PXDC1: variants seen among roughly 807,000 people sequenced by gnomAD.
The protein encoded by PXDC1 is PX domain containing 1.
Under a neutral mutation model 24.4 loss-of-function variants are expected in PXDC1, and 13 were observed. The observed-to-expected ratio is 0.53, with a 90% CI of 0.35 to 0.85. The LOEUF (loss-of-function observed/expected upper bound fraction) is 0.85, where lower values mean the gene tolerates loss of function less well. Ranked by LOEUF, PXDC1 falls within the 40% of genes least tolerant of loss-of-function variation. PXDC1 has a pLI of 0.01. For synonymous variants in PXDC1, 162 were observed against 124.9 expected (o/e 1.30, Z -1.98); for missense variants, 344 against 309.3 (o/e 1.11, Z -0.84).
At chr6:3,749,863 G>A (rs558124853) in intron 1 of PXDC1, among the ~76,000 whole-genome samples, 1 of 152,186 alleles carries the variant, frequency 6.6e-6, no homozygotes, top group Non-Finnish European at 1.5e-5. Context: ...GTGTATTTAA[G>A]CCTCGTTCCA....
At chr6:3,746,438 C>T (rs1199158364) in intron 1 of PXDC1, among the ~76,000 whole-genome samples, 1 of 152,130 alleles carries the variant, frequency 6.6e-6, no homozygotes, top group African/African-American at 2.4e-5. Context: ...CAGGGCACCC[C>T]CAGTGCAGGG....
chr6:3,739,242 C>T, intron 1 of PXDC1: 2 of 662,498 alleles, frequency 3.0e-6, no homozygotes, highest in African/African-American at 1.9e-5. Context: ...CATGAAAACT[C>T]CCACCAGGGC....
At chr6:3,748,835 A>T (rs1173308717) in intron 1 of PXDC1, among the ~76,000 whole-genome samples, 1 of 152,202 alleles carries the variant, frequency 6.6e-6, no homozygotes, top group Non-Finnish European at 1.5e-5. Flanking sequence ...ATCCATGTAA[A>T]CTGGGGAATG....
At chr6:3,739,156 A>C in intron 1 of PXDC1, 1 of 1,166,578 alleles carries the variant, frequency 8.6e-7, no homozygotes, top group Non-Finnish European at 1.1e-6. Flanking sequence ...AATTCGTTGA[A>C]TAGGTCTATA....
intron 1 of PXDC1, among the ~76,000 whole-genome samples, chr6:3,749,314 G>A (rs191909891): frequency 9.4e-4 from 143 of 151,786 alleles, no homozygotes; most frequent in Non-Finnish European, 4.9e-4. Flanking sequence ...CCGCCCACCA[G>A]CCCTGCCACC....
At chr6:3,730,269 C>G (rs1760165966) in intron 3 of PXDC1, among the ~76,000 whole-genome samples, 1 of 152,232 alleles carries the variant, frequency 6.6e-6, no homozygotes, top group Non-Finnish European at 1.5e-5. Context: ...GGCAAGCCAG[C>G]AGGCTACACA....
At chr6:3,727,202 C>T (rs1362817143) in intron 4 of PXDC1, among the ~76,000 whole-genome samples, 1 of 152,254 alleles carries the variant, frequency 6.6e-6, no homozygotes, top group Non-Finnish European at 1.5e-5. Context: ...TTGAGGCAAA[C>T]ATGTCCCCAT....
chr6:3,748,403 C>G (rs1434641433), intron 1 of PXDC1, among the ~76,000 whole-genome samples: 1 of 152,044 alleles, frequency 6.6e-6, no homozygotes, highest in Non-Finnish European at 1.5e-5. Flanking sequence ...CTGGGCAAGT[C>G]CTGAGGTCAG....
intron 3 of PXDC1, among the ~76,000 whole-genome samples, chr6:3,733,334 G>T (rs1318317038): frequency 6.6e-6 from 1 of 152,168 alleles, no homozygotes; most frequent in Non-Finnish European, 1.5e-5. Context: ...AACATGGTGT[G>T]CCTATGTGTG....
Position 3,723,610 on chromosome 6 carries a change from T to G in PXDC1, c.*9A>C, listed in dbSNP as rs774012304. The G allele has an allele frequency of 1.9e-6, 3 of 1,599,642 alleles. No individual in the cohort carries two copies. The highest frequency in any genetic ancestry group is 1.3e-5 in the African/African-American group (1 of 74,598). On this transcript the variant is annotated 3_prime_UTR_variant, in exon 5 of 5. Transcript: ENST00000380283. Reference sequence around the variant, plus strand: ...AACAGCTGAGGCGGGGGAGGCCTGATAGAGAGGTTCAGTCCCAAATGTCTG... The same window carrying G: ...AACAGCTGAGGCGGGGGAGGCCTGAGAGAGAGGTTCAGTCCCAAATGTCTG...
chr6:3,732,273 C>T (rs1342007750), intron 3 of PXDC1, among the ~76,000 whole-genome samples: 1 of 152,212 alleles, frequency 6.6e-6, no homozygotes, highest in Non-Finnish European at 1.5e-5. Flanking sequence ...AGCCTTCCTC[C>T]CTTTCACCTC....
In PXDC1 at chr6:3,723,458, G is replaced by C. The variant is rs2127597161; in HGVS notation, c.*161C>G. On this transcript the variant is annotated 3_prime_UTR_variant, in exon 5 of 5. Transcript: ENST00000380283. The stretch of plus-strand genomic sequence containing the variant: ...GCCTGGCCCACTAGGAGCCCCTGCT[G>C]CTCCACTTGCAGGACACCCAGGCCT... 3 of 669,594 alleles carry C rather than the reference G, an allele frequency of 4.5e-6. No homozygotes were observed. Among genetic ancestry groups the C allele is most frequent in the South Asian group, 1.8e-5 (1 of 55,916 alleles). 41.5% of individuals were successfully genotyped at this position (669,594 alleles called of 1,614,324 possible).
rs1356214646 is a variant in PXDC1 at position 3,728,604 on chromosome 6, G to C, written c.467-942C>G. ...GTCCTTGGCTGGAGGGGCTGGAATG[G>C]AGGATGAGGAGCCAGGACAACGAGC... On this transcript the variant is annotated intron_variant, in intron 3 of 4. Coordinates refer to ENST00000380283, the MANE Select transcript of PXDC1 (RefSeq NM_183373.4). The surrounding 1 kb of genome is among the most constrained non-coding windows in gnomAD (Gnocchi z 4.0). Among the ~76,000 whole-genome samples the C allele has an allele frequency of 6.6e-6, 1 of 152,164 alleles. No individual in the cohort carries two copies. Among genetic ancestry groups the C allele is most frequent in the Non-Finnish European group, 1.5e-5 (1 of 68,034 alleles).
At chr6:3,726,472 G>A (rs543183608) in intron 4 of PXDC1, among the ~76,000 whole-genome samples, 3 of 152,320 alleles carry the variant, frequency 2.0e-5, no homozygotes, top group South Asian at 2.1e-4. Flanking sequence ...AAGGATTCTC[G>A]CACCATCTAC....
At position 3,751,277 on chromosome 6, in the gene PXDC1, T is replaced by C; in HGVS notation, c.255A>G (p.Gln85=). 6.6e-7 allele frequency: 1 copy of C among 1,514,198 alleles called. No individual in the cohort carries two copies. Among genetic ancestry groups the C allele is most frequent in the Non-Finnish European group, 8.8e-7 (1 of 1,135,478 alleles). 93.8% of individuals were successfully genotyped at this position (1,514,198 alleles called of 1,614,324 possible). Residue 85 remains glutamine, a splice_region_variant and synonymous_variant, in exon 1 of 5, where the codon CAA becomes CAG. Coordinates refer to ENST00000380283, the MANE Select transcript of PXDC1 (RefSeq NM_183373.4). ...CCTCCCGCGTCCCCGGCCCCGCACCTTGCCGCAGCGGCCCCTGCGCCAGTT... is the reference window on the plus strand; with the variant it reads ...CCTCCCGCGTCCCCGGCCCCGCACCCTGCCGCAGCGGCCCCTGCGCCAGTT... ...RSELAQGPLR[Q]GLVAIKEAHD... is the part of the protein sequence containing the mutation.
Position 3,728,336 on chromosome 6 carries a change from C to A in PXDC1, c.467-674G>T, listed in dbSNP as rs978671584. On this transcript the variant is annotated intron_variant, in intron 3 of 4. Transcript: ENST00000380283. The surrounding 1 kb of genome is among the most constrained non-coding windows in gnomAD (Gnocchi z 4.0). ...TTCTTATGCCTTCGCATCCTCATAG[C>A]TTAGCTCCCACTTCTAAGTGAGAAT... 6.6e-6 allele frequency among the ~76,000 whole-genome samples: 1 copy of A among 152,210 alleles called. No individual in the cohort carries two copies. Among genetic ancestry groups the A allele is most frequent in the Non-Finnish European group, 1.5e-5 (1 of 68,032 alleles).
At position 3,751,373 on chromosome 6, in the gene PXDC1, C is replaced by T. The variant is rs770473205; in HGVS notation, c.159G>A (p.Leu53=). Residue 53 remains leucine (L), a synonymous_variant, in exon 1 of 5, where the codon CTG becomes CTA. Coordinates refer to ENST00000380283, the MANE Select transcript of PXDC1 (RefSeq NM_183373.4). ...TEWSDRSVLY[L]HRSLADLGRL... is the part of the protein sequence containing the mutation. ...GGCCCAGGTCCGCCAGGCTGCGGTGCAGGTAGAGCACGCTGCGGTCCGACC... is the reference window on the plus strand; with the variant it reads ...GGCCCAGGTCCGCCAGGCTGCGGTGTAGGTAGAGCACGCTGCGGTCCGACC... The T allele has an allele frequency of 2.6e-6, 4 of 1,563,788 alleles. 1 individual carries two copies. The South Asian group carries it at 4.7e-5, about 18-fold the overall frequency.
At chr6:3,733,595 G>A (rs1263428580) in intron 3 of PXDC1, among the ~76,000 whole-genome samples, 1 of 152,116 alleles carries the variant, frequency 6.6e-6, no homozygotes, top group African/African-American at 2.4e-5. Context: ...AGAAGAGGAA[G>A]AGGAGGAAAC....
In PXDC1 at chr6:3,725,962, T is replaced by C. The variant is rs549160364; in HGVS notation, c.578+1589A>G. Among the ~76,000 whole-genome samples the C allele has an allele frequency of 1.5e-5, 2 of 137,616 alleles. No homozygotes were observed. Among genetic ancestry groups the C allele is most frequent in the Non-Finnish European group, 3.4e-5 (2 of 59,330 alleles). The allele number at this position is 137,616 out of a possible 152,430, so 90.3% of individuals were successfully genotyped here. A position where few individuals can be genotyped will look rare whatever the true frequency, so the allele number is the denominator to read the frequency against. Reference sequence around the variant, plus strand: ...CAGGTGGCCGCCTATTCAAGACCTGTCACTCCTGTGCACATGCAGTCAGTC... The same window carrying C: ...CAGGTGGCCGCCTATTCAAGACCTGCCACTCCTGTGCACATGCAGTCAGTC... On this transcript the variant is annotated intron_variant, in intron 4 of 4. Coordinates refer to ENST00000380283, the MANE Select transcript of PXDC1 (RefSeq NM_183373.4). This position sits in a 1 kb window ranked among gnomAD's most constrained non-coding sequence, Gnocchi z 4.8.
Sources: allele counts gnomAD v4.1 joint callset (sites outside exome capture counted in the v4.1 genomes callset), GRCh38; gene constraint gnomAD v4.1.1; non-coding constraint Gnocchi (gnomAD v3.1); transcripts MANE v1.5; gene names NCBI Gene and HGNC (gene_info 2026-07-23, HGNC 2026-07-21).